Variants in CPEB1 observed in about 807,000 individuals in gnomAD.
The protein encoded by CPEB1 is cytoplasmic polyadenylation element-binding protein 1.
A neutral mutation model predicts 65.8 loss-of-function variants in CPEB1; 7 were observed. That is an observed-to-expected ratio of 0.11 (90% CI 0.06 to 0.20). The LOEUF (loss-of-function observed/expected upper bound fraction) is 0.20, where lower values mean the gene tolerates loss of function less well. Among genes scored for constraint, CPEB1 ranks in the 10% least tolerant of loss-of-function variants. The pLI, the probability that CPEB1 is intolerant of heterozygous loss-of-function variation, is 1.00. For synonymous variants in CPEB1, 262 were observed against 260.0 expected, an observed-to-expected ratio of 1.01 and a Z score of -0.08; for missense variants, 551 against 712.2, an observed-to-expected ratio of 0.77 and a Z score of 2.58.
intron 1 of CPEB1, chr15:82,641,569 C>T (rs942801376): frequency 6.6e-6 from 1 of 152,142 alleles, no homozygotes; most frequent in African/African-American, 2.4e-5. Flanking sequence ...AGTCAAGTTA[C>T]TCCTAAAATC....
intron 5 of CPEB1, 69 bp from the exon 6 acceptor site, chr15:82,556,191 G>A: frequency 1.4e-6 from 2 of 1,446,520 alleles, no homozygotes; most frequent in South Asian, 2.9e-5. Flanking sequence ...TCACATTATA[G>A]AAATTATTAA....
In CPEB1 at chr15:82,565,902, C is replaced by T. The variant is rs927468310; in HGVS notation, c.460+5442G>A. Among the ~76,000 whole-genome samples, 8 of 152,222 alleles carry T rather than the reference C, an allele frequency of 5.3e-5. No homozygotes were observed. In the East Asian group the frequency reaches 1.5e-3, roughly 29 times the overall value. ...AGACGTACCCATCCCCATTCACATG[C>T]TGGCAGGAAATCAGCTACAGACATC... On this transcript the variant is annotated intron_variant, in intron 4 of 12. Transcript: ENST00000684509.
At position 82,543,498 on chromosome 15, in the gene CPEB1, A is replaced by T. The variant is rs1251267701; in HGVS notation, c.*1094T>A. On this transcript the variant is annotated 3_prime_UTR_variant, in exon 13 of 13. Coordinates refer to ENST00000684509, the MANE Select transcript of CPEB1 (RefSeq NM_001365242.1). ...AAAAAAAAAAAAGGAAAGAAAAAAAAGTCAAGTTTTCAAATTCCAGTGGCA... is the reference window on the plus strand; with the variant it reads ...AAAAAAAAAAAAGGAAAGAAAAAAATGTCAAGTTTTCAAATTCCAGTGGCA... 6.9e-6 allele frequency: 1 copy of T among 145,928 alleles called. No homozygotes were observed. Among genetic ancestry groups the T allele is most frequent in the Non-Finnish European group, 1.5e-5 (1 of 66,526 alleles). 9.0% of individuals were successfully genotyped at this position (145,928 alleles called of 1,614,324 possible).
In CPEB1 at chr15:82,555,896, T is replaced by C. The variant is rs1325006379; in HGVS notation, c.914A>G (p.Glu305Gly). The change falls in exon 6 of 13, where the codon GAG becomes GGG. Residue 305 changes from glutamate to glycine, a missense_variant. By Grantham distance (98) the Glu-to-Gly change is moderately conservative. This residue lies in a region of CPEB1 where 128 missense variants were observed against 129.1 expected (regional missense o/e 0.99). Coordinates refer to ENST00000684509, the MANE Select transcript of CPEB1 (RefSeq NM_001365242.1). ...APKDPFSIER[E>G]ARLHRQAAAV... Reference sequence around the variant, plus strand: ...TGCAGCTTGTCGGTGCAGCCTGGCCTCTCTCTCTATGCTGAAGGGGTCTTT... The same window carrying C: ...TGCAGCTTGTCGGTGCAGCCTGGCCCCTCTCTCTATGCTGAAGGGGTCTTT... 1 of 1,612,338 alleles carries C rather than the reference T, an allele frequency of 6.2e-7. No individual in the cohort carries two copies. The highest frequency in any genetic ancestry group is 8.5e-7 in the Non-Finnish European group (1 of 1,179,334).
At chr15:82,577,997 G>A (rs1416348204) in intron 3 of CPEB1, among the ~76,000 whole-genome samples, 10 of 152,054 alleles carry the variant, frequency 6.6e-5, no homozygotes, top group Admixed American at 2.0e-4. Context: ...AAAATTAGCC[G>A]GGCATGGTGG....
At chr15:82,573,173 G>A (rs747419245) in intron 3 of CPEB1, 129 of 1,533,060 alleles carry the variant, frequency 8.4e-5, no homozygotes, top group Non-Finnish European at 1.1e-4. Context: ...AGTACACCCT[G>A]TGTCCACAGG....
At chr15:82,594,369 G>A (rs376279628) in intron 3 of CPEB1, among the ~76,000 whole-genome samples, 2 of 148,758 alleles carry the variant, frequency 1.3e-5, no homozygotes, top group Non-Finnish European at 3.0e-5. Context: ...CAAAAAAAAA[G>A]AAAAGAAAAG....
intron 1 of CPEB1, among the ~76,000 whole-genome samples, chr15:82,637,616 G>C (rs1294332004): frequency 6.6e-6 from 1 of 151,994 alleles, no homozygotes; most frequent in African/African-American, 2.4e-5. Flanking sequence ...TTCCACACAT[G>C]CTATTCTGAA....
At chr15:82,555,773 C>T (rs997948865) in intron 6 of CPEB1, 97 bp downstream of exon 6, 38 of 1,319,538 alleles carry the variant, frequency 2.9e-5, no homozygotes, top group Non-Finnish European at 3.9e-5. Context: ...GCAACCAAGC[C>T]TCCTCTAGAC....
chr15:82,634,227 A>G, intron 1 of CPEB1, among the ~76,000 whole-genome samples: 1 of 151,796 alleles, frequency 6.6e-6, no homozygotes, highest in South Asian at 2.1e-4. Flanking sequence ...ATCACTCATA[A>G]CTTTTTCTTT....
At chr15:82,546,196 G>A (rs1398098281) in intron 12 of CPEB1, among the ~76,000 whole-genome samples, 5 of 151,912 alleles carry the variant, frequency 3.3e-5, no homozygotes, top group African/African-American at 9.7e-5. Context: ...TGCAACCTCC[G>A]CCTCCTGGGT....
At chr15:82,629,450 A>T in intron 1 of CPEB1, 1 of 952,396 alleles carries the variant, frequency 1.0e-6, no homozygotes, top group African/African-American at 1.8e-5. Flanking sequence ...AAGAACTCCT[A>T]TATATATATA....
chr15:82,563,570 G>A (rs2038614024), intron 4 of CPEB1, among the ~76,000 whole-genome samples: 1 of 149,158 alleles, frequency 6.7e-6, no homozygotes, highest in African/African-American at 2.5e-5. Flanking sequence ...TTGAACTCCT[G>A]GGCTCAAGCA....
At chr15:82,590,971 G>T (rs1442607711) in intron 3 of CPEB1, among the ~76,000 whole-genome samples, 1 of 152,172 alleles carries the variant, frequency 6.6e-6, no homozygotes, top group African/African-American at 2.4e-5. Context: ...GCACTGCAAT[G>T]AACATATGTG....
At position 82,585,967 on chromosome 15, in the gene CPEB1, GA is replaced by G. The variant is rs1296533981; in HGVS notation, c.272-14436del. Among the ~76,000 whole-genome samples the G allele has an allele frequency of 3.4e-3, 484 of 143,158 alleles. 6 individuals carry two copies. Among genetic ancestry groups the G allele is most frequent in the East Asian group, 0.011 (57 of 4,970 alleles). 93.9% of individuals were successfully genotyped at this position (143,158 alleles called of 152,430 possible). A position where few individuals can be genotyped will look rare whatever the true frequency, so the allele number is the denominator to read the frequency against. ...GCTAGGCAACCAGGATATAAGTGAA[GA>G]AAAAAAAAAAAGTTACAGCTCTTGT... On this transcript the variant is annotated intron_variant, in intron 3 of 12. Transcript: ENST00000684509.
chr15:82,609,817 T>C (rs188934373), intron 3 of CPEB1, among the ~76,000 whole-genome samples: 17 of 152,166 alleles, frequency 1.1e-4, no homozygotes, highest in Admixed American at 9.8e-4. Flanking sequence ...TCCCAGCACT[T>C]TGGGAGGCTG....
intron 3 of CPEB1, among the ~76,000 whole-genome samples, chr15:82,592,765 G>A (rs906646306): frequency 2.6e-5 from 4 of 152,048 alleles, no homozygotes; most frequent in Non-Finnish European, 5.9e-5. Flanking sequence ...AAAGTGCCGA[G>A]GTGGGCAGAT....
At chr15:82,605,592 A>C (rs2043505832) in intron 3 of CPEB1, among the ~76,000 whole-genome samples, 1 of 152,218 alleles carries the variant, frequency 6.6e-6, no homozygotes, top group Non-Finnish European at 1.5e-5. Flanking sequence ...TGAATATATT[A>C]GCTTTAATCA....
At chr15:82,633,475 T>C (rs2046417963) in intron 1 of CPEB1, among the ~76,000 whole-genome samples, 1 of 152,186 alleles carries the variant, frequency 6.6e-6, no homozygotes, top group Admixed American at 6.5e-5. Context: ...CGGGTTCAAG[T>C]GATTCTCCTG....
Sources: allele counts gnomAD v4.1 joint callset (sites outside exome capture counted in the v4.1 genomes callset), GRCh38; gene constraint gnomAD v4.1.1; regional missense constraint gnomAD v4.1.1; transcripts MANE v1.5; gene names NCBI Gene and HGNC (gene_info 2026-07-23, HGNC 2026-07-21).